ASXL1: variants seen among roughly 807,000 people sequenced by gnomAD.
ASXL1 encodes the protein polycomb group protein ASXL1.
ASXL1 carries 65 observed loss-of-function variants against 89.1 expected under a neutral mutation model. The observed-to-expected ratio is 0.73, with a 90% CI of 0.60 to 0.90. ASXL1 has a LOEUF of 0.90. Among genes scored for constraint, ASXL1 ranks in the 40% least tolerant of loss-of-function variants. The pLI, the probability that ASXL1 is intolerant of heterozygous loss-of-function variation, is 0.00. For missense variants in ASXL1, 1,786 were observed against 1,942.9 expected (o/e 0.92, Z 1.52); for synonymous variants, 739 against 746.9 (o/e 0.99, Z 0.17).
At chr20:32,392,527 GCCTCGGCCTC>G (rs2048691245) in intron 4 of ASXL1, among the ~76,000 whole-genome samples, 1 of 145,766 alleles carries the variant, frequency 6.9e-6, no homozygotes, top group African/African-American at 2.5e-5. Context: ...TGATCTGCCC[GCCTCGGCCTC>G]CCAAAGTGTT....
rs1291029354 is a variant in ASXL1, at chr20:32,402,993, C to T, written c.253-25135C>T. The stretch of plus-strand genomic sequence containing the variant: ...GGTGTCATATCTAAGCACTCTTTGG[C>T]TAACAAAATTTTCTCTTTTTTTCTA... On this transcript the variant is annotated intron_variant, in intron 4 of 12. Coordinates refer to ENST00000375687, the MANE Select transcript of ASXL1 (RefSeq NM_015338.6). 4.6e-5 allele frequency among the ~76,000 whole-genome samples: 7 copies of T among 152,056 alleles called. No individual in the cohort carries two copies. In the East Asian group the frequency reaches 1.3e-3, roughly 29 times the overall value.
chr20:32,394,331 T>G (rs1230199366), intron 4 of ASXL1, among the ~76,000 whole-genome samples: 3 of 152,150 alleles, frequency 2.0e-5, no homozygotes, highest in African/African-American at 7.2e-5. Context: ...AGAGATGGGC[T>G]TTTGCCATGT....
At chr20:32,378,532 CTCT>C (rs2048428115) in intron 4 of ASXL1, among the ~76,000 whole-genome samples, 1 of 152,110 alleles carries the variant, frequency 6.6e-6, no homozygotes, top group Non-Finnish European at 1.5e-5. Flanking sequence ...TGAAAATTAT[CTCT>C]ACTTTGAGTT....
rs2123221907 is a variant in ASXL1 at position 32,429,904 on chromosome 20, T to C, written c.569T>C (p.Phe190Ser). Residue 190 changes from phenylalanine (F) to serine (S), a missense_variant, in exon 8 of 13, where the codon TTC becomes TCC. By Grantham distance (155) the Phe-to-Ser change is radical. Transcript: ENST00000375687. The surrounding 1 kb of genome is among the most constrained non-coding windows in gnomAD (Gnocchi z 4.9). ...CAGTGGAATGCTGTGCCTTCAGGGT[T>C]CTCGGGCTGCCACGCCGATGGCGAG... ...NGAHVESASG[F>S]SGCHADGESG... 1.9e-6 allele frequency: 3 copies of C among 1,607,870 alleles called. No individual in the cohort carries two copies. Among genetic ancestry groups the C allele is most frequent in the Non-Finnish European group, 2.5e-6 (3 of 1,179,558 alleles).
chr20:32,430,636 GT>G (rs1335786706), intron 8 of ASXL1: 2 of 228,734 alleles, frequency 8.7e-6, no homozygotes, highest in Non-Finnish European at 1.7e-5. Flanking sequence ...CCACATGCTG[GT>G]TTTTTTTGTA....
chr20:32,434,096 C>T, intron 12 of ASXL1, 179 bp downstream of exon 12: 1 of 927,152 alleles, frequency 1.1e-6, no homozygotes, highest in East Asian at 2.6e-5. Flanking sequence ...TTCTTCCTCA[C>T]TTTTTTGTTC....
At chr20:32,359,292 C>T (rs1015012728) in intron 1 of ASXL1, 11 of 702,426 alleles carry the variant, frequency 1.6e-5, no homozygotes, top group African/African-American at 1.4e-4. Context: ...ACCCCACATT[C>T]AAGGACGCCA....
Position 32,435,054 on chromosome 20 carries a change from T to TG in ASXL1, c.2343dup (p.His782AlafsTer5). The TG allele has an allele frequency of 6.2e-7, 1 of 1,614,088 alleles. No homozygotes were observed. Among genetic ancestry groups the TG allele is most frequent in the Non-Finnish European group, 8.5e-7 (1 of 1,180,028 alleles). ...GAGAGATTAGTGGAGCAGCCTCAGT[T>TG]GCATCCGGATGTTAGAACTGAATGT... On this transcript the variant is annotated frameshift_variant, in exon 13 of 13. Coordinates refer to ENST00000375687, the MANE Select transcript of ASXL1 (RefSeq NM_015338.6). LOFTEE classifies it low-confidence loss of function (END_TRUNC).
chr20:32,377,277 G>T (rs1332764975), intron 4 of ASXL1, among the ~76,000 whole-genome samples: 1 of 148,916 alleles, frequency 6.7e-6, no homozygotes, highest in Non-Finnish European at 1.5e-5. Flanking sequence ...TGAGCCACGT[G>T]CCTGGCCAGA....
chr20:32,394,763 C>T (rs6141700), intron 4 of ASXL1, among the ~76,000 whole-genome samples: 1 of 151,604 alleles, frequency 6.6e-6, no homozygotes, highest in African/African-American at 2.4e-5. Context: ...GCCCAGGCTA[C>T]AGTGCAGTGG....
intron 4 of ASXL1, among the ~76,000 whole-genome samples, chr20:32,393,041 A>G (rs367874180): frequency 0.014 from 938 of 66,598 alleles, 13 homozygotes; most frequent in African/African-American, 0.033. Context: ...TCTATCAGTT[A>G]TAGACAGAGG....
chr20:32,430,312 G>A (rs1020520732), intron 8 of ASXL1: 2 of 477,112 alleles, frequency 4.2e-6, no homozygotes, highest in Non-Finnish European at 7.3e-6. Flanking sequence ...TGCCTGCCTT[G>A]TACTGCATAG....
intron 4 of ASXL1, among the ~76,000 whole-genome samples, chr20:32,377,288 A>G (rs2122893322): frequency 6.6e-6 from 1 of 150,790 alleles, no homozygotes; most frequent in African/African-American, 2.4e-5. Flanking sequence ...CCTGGCCAGA[A>G]TTATATTTTA....
At chr20:32,367,170 A>G (rs993353972) in intron 2 of ASXL1, among the ~76,000 whole-genome samples, 1 of 151,884 alleles carries the variant, frequency 6.6e-6, no homozygotes, top group African/African-American at 2.4e-5. Flanking sequence ...TTAGGTCAGG[A>G]GTTCGAGACC....
chr20:32,412,655 G>A (rs889706665), intron 4 of ASXL1, among the ~76,000 whole-genome samples: 1 of 149,716 alleles, frequency 6.7e-6, no homozygotes, highest in African/African-American at 2.5e-5. Context: ...GAGGGCAATG[G>A]TGGGATCGTA....
chr20:32,437,622 TG>T lies in ASXL1; in HGVS notation c.*290del. On this transcript the variant is annotated 3_prime_UTR_variant, in exon 13 of 13. Transcript: ENST00000375687. ...TGGCACGGAGTGGGGTTGCGGGGGGTGGGGGGACTGCCTGACTCCCAGAGGG... is the reference window on the plus strand; with the variant it reads ...TGGCACGGAGTGGGGTTGCGGGGGGTGGGGGACTGCCTGACTCCCAGAGGG... 2.7e-6 allele frequency: 1 copy of T among 370,086 alleles called. No individual in the cohort carries two copies. Among genetic ancestry groups the T allele is most frequent in the Non-Finnish European group, 4.9e-6 (1 of 205,780 alleles). 22.9% of individuals were successfully genotyped at this position (370,086 alleles called of 1,614,324 possible).
chr20:32,381,968 T>C (rs1404165725), intron 4 of ASXL1, among the ~76,000 whole-genome samples: 5 of 149,926 alleles, frequency 3.3e-5, no homozygotes, highest in Non-Finnish European at 7.4e-5. Flanking sequence ...TTTTTTTTTT[T>C]TTTTGAGACA....
Position 32,359,952 on chromosome 20 carries a change from C to G in ASXL1, c.57+1120C>G, listed in dbSNP as rs1415077887. On this transcript the variant is annotated intron_variant, in intron 1 of 12. Transcript: ENST00000375687. ...TGTGGTGCGGATAGCATAAGTGTCT[C>G]TTGACACTGTAGTTTATATGTAATG... 10 of 661,706 alleles carry G rather than the reference C, an allele frequency of 1.5e-5. No homozygotes were observed. In the Admixed American group the frequency reaches 2.2e-4, roughly 15 times the overall value. The allele number at this position is 661,706 out of a possible 1,614,324, so 41.0% of individuals were successfully genotyped here.
intron 4 of ASXL1, among the ~76,000 whole-genome samples, chr20:32,386,528 A>AT (rs1170171565): frequency 6.6e-6 from 1 of 151,836 alleles, no homozygotes; most frequent in Non-Finnish European, 1.5e-5. Flanking sequence ...AGTAATTCTC[A>AT]TGCCTTAGCC....
Sources: gnomAD v4.1 joint callset for allele counts (sites outside exome capture counted in the v4.1 genomes callset) on GRCh38, gnomAD v4.1.1 for gene constraint, Gnocchi (gnomAD v3.1) non-coding constraint, MANE v1.5 for transcripts, NCBI Gene and HGNC (gene_info 2026-07-23, HGNC 2026-07-21) for gene names.